The following BBS9 variants were observed in gnomAD, a reference collection of about 807,000 sequenced individuals.
The protein encoded by BBS9 is Bardet-Biedl syndrome 9.
In BBS9, 89 loss-of-function variants were observed where a neutral mutation model predicts 117.7. That is an observed-to-expected ratio of 0.76 (90% confidence interval 0.64 to 0.90). The LOEUF is 0.90. Among genes scored for constraint, BBS9 ranks in the 40% least tolerant of loss-of-function variants. The pLI is 0.00. For synonymous variants in BBS9, 379 were observed against 370.9 expected (o/e 1.02, Z -0.25); for missense variants, 982 against 1,042.2 (o/e 0.94, Z 0.80).
intron 1 of BBS9, among the ~76,000 whole-genome samples, chr7:33,130,386 CCTT>C (rs1789396160): frequency 6.6e-6 from 1 of 152,182 alleles, no homozygotes; most frequent in African/African-American, 2.4e-5. Flanking sequence ...TACCCCCAAT[CCTT>C]CTAGTAATAG....
intron 20 of BBS9, among the ~76,000 whole-genome samples, chr7:33,528,618 T>TCCACTTAAGATTTCAGAGTGCCGTA (rs1850053003): frequency 6.6e-6 from 1 of 152,244 alleles, no homozygotes; most frequent in Non-Finnish European, 1.5e-5. Context: ...CATAGTCTCT[T>TCCACTTAAGATTTCAGAGTGCCGTA]CCACTTAAGA....
intron 21 of BBS9, among the ~76,000 whole-genome samples, chr7:33,535,626 T>C (rs1260435466): frequency 6.6e-6 from 1 of 152,208 alleles, no homozygotes; most frequent in East Asian, 1.9e-4. Context: ...CACTTGTTCA[T>C]CTTCTGTCCA....
intron 21 of BBS9, among the ~76,000 whole-genome samples, chr7:33,630,040 C>T (rs1189484151): frequency 6.8e-6 from 1 of 146,538 alleles, no homozygotes; most frequent in Non-Finnish European, 1.5e-5. Context: ...ACAGCTCCCA[C>T]ATTGCTACTA....
intron 19 of BBS9, among the ~76,000 whole-genome samples, chr7:33,410,715 C>T (rs1830962252): frequency 6.6e-6 from 1 of 152,124 alleles, no homozygotes. Flanking sequence ...TTCTGGAATA[C>T]TGATTTATAT....
chr7:33,485,279 A>G (rs1050868423), intron 19 of BBS9, among the ~76,000 whole-genome samples: 2 of 150,236 alleles, frequency 1.3e-5, no homozygotes, highest in East Asian at 3.9e-4. Flanking sequence ...TGCACATCCC[A>G]TGCATGTACC....
rs899691671 is a variant in BBS9 at position 33,177,362 on chromosome 7, G to A, written c.329-116G>A. On this transcript the variant is annotated intron_variant, in intron 4 of 22. Coordinates refer to ENST00000242067, the MANE Select transcript of BBS9 (RefSeq NM_198428.3). ...ATTTTTCACAATACATAATATTTTA[G>A]TGCTTTGCCATTATAATTTCCCTAA... is the stretch of plus-strand genomic sequence containing the variant. 4.7e-5 allele frequency: 34 copies of A among 728,620 alleles called. No individual in the cohort carries two copies. In the South Asian group the frequency reaches 5.2e-4, roughly 11 times the overall value. 45.1% of individuals were successfully genotyped at this position (728,620 alleles called of 1,614,324 possible).
chr7:33,618,914 A>C (rs1162559792), intron 21 of BBS9, among the ~76,000 whole-genome samples: 2 of 152,172 alleles, frequency 1.3e-5, no homozygotes, highest in Non-Finnish European at 2.9e-5. Flanking sequence ...CTATGAAAAA[A>C]ATTATCAAAT....
rs79703740 is a variant in BBS9 at position 33,434,848 on chromosome 7, A to G, written c.2115+46704A>G. ...AATGTACAATGATGGTCATGACATG[A>G]TATTATATGAATTTAATGTAATATT... On this transcript the variant is annotated intron_variant, in intron 19 of 22. Coordinates refer to ENST00000242067, the MANE Select transcript of BBS9 (RefSeq NM_198428.3). Among the ~76,000 whole-genome samples the G allele has an allele frequency of 3.1e-3, 475 of 152,228 alleles. 2 individuals carry two copies. In the East Asian group the frequency reaches 0.033, roughly 10 times the overall value.
At chr7:33,334,400 C>CA (rs1365209464) in intron 9 of BBS9, among the ~76,000 whole-genome samples, 3 of 152,092 alleles carry the variant, frequency 2.0e-5, no homozygotes, top group Non-Finnish European at 4.4e-5. Context: ...GAAGCCCCCC[C>CA]CAGAGGTCTG....
intron 5 of BBS9, among the ~76,000 whole-genome samples, chr7:33,252,464 C>A (rs1796366788): frequency 6.6e-6 from 1 of 152,090 alleles, no homozygotes; most frequent in South Asian, 2.1e-4. Context: ...CTTGTTAAAA[C>A]CTAGCATTTC....
intron 19 of BBS9, among the ~76,000 whole-genome samples, chr7:33,500,577 C>G (rs542036646): frequency 1.2e-3 from 183 of 152,278 alleles, no homozygotes; most frequent in Non-Finnish European, 2.2e-3. Context: ...GGTATGACAG[C>G]CTTGCACACA....
At chr7:33,283,639 T>C (rs1357921820) in intron 9 of BBS9, among the ~76,000 whole-genome samples, 1 of 152,232 alleles carries the variant, frequency 6.6e-6, no homozygotes, top group Non-Finnish European at 1.5e-5. Flanking sequence ...TCTTCTTTTG[T>C]TTCTTTAGGA....
chr7:33,152,868 A>G lies in BBS9; in HGVS notation c.263+17A>G. The G allele has an allele frequency of 1.2e-6, 2 of 1,613,362 alleles. No homozygotes were observed. Among genetic ancestry groups the G allele is most frequent in the Non-Finnish European group, 1.7e-6 (2 of 1,179,460 alleles). ...GTTTGTTTCGTAAGTAAGCCCACTA[A>G]TTCTGGTATTTTACTTGGAGTATGT... On this transcript the variant is annotated intron_variant, in intron 3 of 22. Coordinates refer to ENST00000242067, the MANE Select transcript of BBS9 (RefSeq NM_198428.3).
intron 20 of BBS9, among the ~76,000 whole-genome samples, chr7:33,528,318 G>C (rs1849987870): frequency 1.3e-5 from 2 of 151,290 alleles, no homozygotes; most frequent in African/African-American, 2.4e-5. Flanking sequence ...TCTTTTAACA[G>C]GTCTCGTGGT....
chr7:33,237,334 C>G (rs1412475236), intron 5 of BBS9, among the ~76,000 whole-genome samples: 2 of 152,146 alleles, frequency 1.3e-5, no homozygotes, highest in African/African-American at 2.4e-5. Flanking sequence ...TTTTGTTCTT[C>G]TTTGAGCTAT....
intron 5 of BBS9, among the ~76,000 whole-genome samples, chr7:33,206,970 A>AT (rs1035712576): frequency 1.3e-5 from 2 of 151,800 alleles, no homozygotes; most frequent in African/African-American, 2.4e-5. Context: ...ATACCATTAA[A>AT]TTTTTTTTCT....
At chr7:33,389,397 T>G (rs1331865003) in intron 19 of BBS9, among the ~76,000 whole-genome samples, 1 of 152,008 alleles carries the variant, frequency 6.6e-6, no homozygotes. Context: ...TTCTTAAAAT[T>G]TTCTTGGTTA....
chr7:33,515,862 C>T (rs1018921810), intron 20 of BBS9, among the ~76,000 whole-genome samples: 8 of 152,226 alleles, frequency 5.3e-5, no homozygotes, highest in Non-Finnish European at 1.0e-4. Flanking sequence ...TGTCATTCTT[C>T]AGTCATGAAT....
chr7:33,455,380 T>A (rs1256401855), intron 19 of BBS9, among the ~76,000 whole-genome samples: 1 of 152,230 alleles, frequency 6.6e-6, no homozygotes, highest in African/African-American at 2.4e-5. Flanking sequence ...TCCTTCATAA[T>A]TTTTTAGGGA....
Sources: gnomAD v4.1 joint callset for allele counts (sites outside exome capture counted in the v4.1 genomes callset) on GRCh38, gnomAD v4.1.1 for gene constraint, MANE v1.5 for transcripts, NCBI Gene and HGNC (gene_info 2026-07-23, HGNC 2026-07-21) for gene names.